Variants in CDH12 observed in about 807,000 individuals in gnomAD.
The protein encoded by CDH12 is cadherin-12.
A neutral mutation model predicts 74.1 loss-of-function variants in CDH12; 41 were observed. The ratio of observed to expected loss-of-function variants is 0.55; its 90% CI spans 0.43 to 0.72. The LOEUF (loss-of-function observed/expected upper bound fraction) is 0.72. CDH12 is among the 30% of genes least tolerant of loss of function. CDH12 has a pLI of 0.00. For missense variants in CDH12, 945 were observed against 977.2 expected (o/e 0.97, Z 0.44); for synonymous variants, 399 against 355.0 (o/e 1.12, Z -1.39).
chr5:22,528,335 G>A (rs1580735524), intron 1 of CDH12, among the ~76,000 whole-genome samples: 1 of 152,224 alleles, frequency 6.6e-6, no homozygotes, highest in East Asian at 1.9e-4. Context: ...GAAAACTCAT[G>A]AGAATTTGGG....
At chr5:22,461,724 A>G (rs1745533811) in intron 2 of CDH12, among the ~76,000 whole-genome samples, 1 of 151,666 alleles carries the variant, frequency 6.6e-6, no homozygotes, top group Admixed American at 6.6e-5. Flanking sequence ...ATTATTTATT[A>G]TATTTTGATT....
intron 3 of CDH12, among the ~76,000 whole-genome samples, chr5:22,236,167 G>A: frequency 6.6e-6 from 1 of 152,286 alleles, no homozygotes; most frequent in Non-Finnish European, 1.5e-5. Flanking sequence ...TGAAGGCCTA[G>A]GCCATTACAC....
At chr5:22,561,454 T>G (rs1739040465) in intron 1 of CDH12, among the ~76,000 whole-genome samples, 2 of 152,164 alleles carry the variant, frequency 1.3e-5, no homozygotes, top group African/African-American at 2.4e-5. Flanking sequence ...TTAAAACAAA[T>G]TAATTCTGAT....
chr5:22,836,223 C>CTTTTTTTTTTTTTTTTTTTTT lies in CDH12; in HGVS notation c.-523+16834_-523+16835insAAAAAAAAAAAAAAAAAAAAA, dbSNP rs61616737. 1.4e-3 allele frequency among the ~76,000 whole-genome samples: 91 copies of CTTTTTTTTTTTTTTTTTTTTT among 65,504 alleles called. 18 individuals carry two copies. The highest frequency in any genetic ancestry group is 1.6e-3 in the African/African-American group (26 of 16,092). 43.0% of individuals were successfully genotyped at this position (65,504 alleles called of 152,430 possible). On this transcript the variant is annotated intron_variant, in intron 1 of 14. Coordinates refer to ENST00000382254, the MANE Select transcript of CDH12 (RefSeq NM_004061.5). ...TTTTTTTCTTTTTTTCTTTCTTTCT[C>CTTTTTTTTTTTTTTTTTTTTT]TTTTTTTTTTTTTTTTTTGAGACAG...
At chr5:22,417,738 A>G (rs962397407) in intron 2 of CDH12, among the ~76,000 whole-genome samples, 5 of 152,236 alleles carry the variant, frequency 3.3e-5, no homozygotes, top group East Asian at 1.9e-4. Context: ...AAATATATAA[A>G]GAAAATATGG....
At chr5:22,830,942 C>A (rs1043629964) in intron 1 of CDH12, among the ~76,000 whole-genome samples, 1 of 151,620 alleles carries the variant, frequency 6.6e-6, no homozygotes, top group Admixed American at 6.6e-5. Context: ...TCCTCATTAA[C>A]CATATCAACA....
At chr5:22,758,351 T>A (rs1379827515) in intron 1 of CDH12, among the ~76,000 whole-genome samples, 1 of 152,162 alleles carries the variant, frequency 6.6e-6, no homozygotes, top group African/African-American at 2.4e-5. Flanking sequence ...TGGCGAAGCA[T>A]CTCTAAAGAA....
At chr5:22,342,953 A>G (rs1254145865) in intron 3 of CDH12, among the ~76,000 whole-genome samples, 1 of 151,760 alleles carries the variant, frequency 6.6e-6, no homozygotes, top group Non-Finnish European at 1.5e-5. Flanking sequence ...GGTTAAAGGG[A>G]TTCTTGTGTC....
At chr5:22,299,970 C>T (rs907891739) in intron 3 of CDH12, among the ~76,000 whole-genome samples, 4 of 152,118 alleles carry the variant, frequency 2.6e-5, no homozygotes, top group Non-Finnish European at 5.9e-5. Flanking sequence ...TAGGCTTTTA[C>T]TCAAGTGCAT....
chr5:22,760,430 C>T (rs1746146177), intron 1 of CDH12, among the ~76,000 whole-genome samples: 1 of 152,018 alleles, frequency 6.6e-6, no homozygotes, highest in Non-Finnish European at 1.5e-5. Flanking sequence ...CCTGTAATCC[C>T]ATCACTTTGG....
chr5:22,235,448 G>A (rs1752528676), intron 3 of CDH12, among the ~76,000 whole-genome samples: 1 of 152,066 alleles, frequency 6.6e-6, no homozygotes, highest in African/African-American at 2.4e-5. Context: ...CAGGCGTGGT[G>A]TGGGCACCTG....
chr5:21,758,182 A>G (rs943839589), intron 13 of CDH12, among the ~76,000 whole-genome samples: 2 of 152,152 alleles, frequency 1.3e-5, no homozygotes, highest in Non-Finnish European at 2.9e-5. Flanking sequence ...GCTGTGACAT[A>G]ACATTATAAA....
intron 2 of CDH12, among the ~76,000 whole-genome samples, chr5:22,492,765 C>T (rs1580703944): frequency 6.6e-6 from 1 of 152,116 alleles, no homozygotes; most frequent in South Asian, 2.1e-4. Context: ...TAATGGCTGG[C>T]TCCTTCCAGA....
chr5:22,142,196 AC>A (rs1746841296), intron 4 of CDH12, among the ~76,000 whole-genome samples: 1 of 152,260 alleles, frequency 6.6e-6, no homozygotes, highest in African/African-American at 2.4e-5. Context: ...TTGAATATAA[AC>A]AGAAGATATC....
intron 3 of CDH12, among the ~76,000 whole-genome samples, chr5:22,265,489 G>A (rs1393640638): frequency 2.0e-5 from 3 of 152,108 alleles, no homozygotes; most frequent in Non-Finnish European, 4.4e-5. Context: ...GAAAGGTTCT[G>A]CTCTCTCGTA....
intron 1 of CDH12, among the ~76,000 whole-genome samples, chr5:22,754,274 G>C (rs1435111575): frequency 5.3e-5 from 8 of 152,166 alleles, no homozygotes; most frequent in Non-Finnish European, 1.5e-5. Flanking sequence ...ACACTTTCGT[G>C]TTCTTGCCAA....
At chr5:21,923,542 C>T (rs1387264763) in intron 6 of CDH12, among the ~76,000 whole-genome samples, 1 of 152,068 alleles carries the variant, frequency 6.6e-6, no homozygotes, top group Non-Finnish European at 1.5e-5. Context: ...TCCTTCCAAC[C>T]CTTCAAATAC....
intron 5 of CDH12, among the ~76,000 whole-genome samples, chr5:22,019,059 C>CAAA (rs67162958): frequency 0.013 from 1,928 of 147,546 alleles, 42 homozygotes; most frequent in African/African-American, 0.045. Context: ...GACTGTGTCT[C>CAAA]AAAAAAAAAA....
chr5:22,775,893 A>G (rs972274949), intron 1 of CDH12, among the ~76,000 whole-genome samples: 9 of 152,142 alleles, frequency 5.9e-5, no homozygotes, highest in African/African-American at 2.2e-4. Context: ...GGTCTTTCCC[A>G]TGCTATTCTT....
Sources: gnomAD v4.1 joint callset for allele counts (sites outside exome capture counted in the v4.1 genomes callset) on GRCh38, gnomAD v4.1.1 for gene constraint, MANE v1.5 for transcripts, NCBI Gene and HGNC (gene_info 2026-07-23, HGNC 2026-07-21) for gene names.